Variants in BTBD9 observed in about 807,000 individuals in gnomAD.
BTBD9 encodes the protein BTB domain containing 9.
Under a neutral mutation model 64.3 loss-of-function variants are expected in BTBD9, and 49 were observed. The observed-to-expected ratio is 0.76, with a 90% CI of 0.61 to 0.97. The LOEUF (loss-of-function observed/expected upper bound fraction) is 0.97. Among genes scored for constraint, BTBD9 ranks in the 50% least tolerant of loss-of-function variants. The pLI is 0.00. For missense variants in BTBD9, 598 were observed against 762.1 expected, an observed-to-expected ratio of 0.78 and a Z score of 2.53; for synonymous variants, 260 against 274.7, an observed-to-expected ratio of 0.95 and a Z score of 0.53.
At chr6:38,469,484 TA>T (rs1234868068) in intron 6 of BTBD9, among the ~76,000 whole-genome samples, 1 of 152,118 alleles carries the variant, frequency 6.6e-6, no homozygotes, top group Non-Finnish European at 1.5e-5. Flanking sequence ...CACGCCTGGC[TA>T]ATTTTTTTGT....
At chr6:38,423,726 C>T (rs1472814969) in intron 6 of BTBD9, among the ~76,000 whole-genome samples, 1 of 152,046 alleles carries the variant, frequency 6.6e-6, no homozygotes, top group African/African-American at 2.4e-5. Flanking sequence ...ACTTGAAATC[C>T]ACCAGGTCAA....
intron 6 of BTBD9, among the ~76,000 whole-genome samples, chr6:38,383,837 T>C (rs1472108130): frequency 1.3e-5 from 2 of 152,206 alleles, no homozygotes. Flanking sequence ...TCCAAATTCA[T>C]ATGTCGACAT....
In BTBD9 at chr6:38,288,421, A is replaced by G. The variant is rs2127555597; in HGVS notation, c.1305T>C (p.Ser435=). Residue 435 remains serine, a synonymous_variant, in exon 8 of 11, where the codon AGT becomes AGC. Transcript: ENST00000481247. ...ENVATIADCA[S]VIEGVSRSRN... Reference sequence around the variant, plus strand: ...GGCTCCGACTGACTCCTTCAATCACACTGGCACAATCAGCAATTGTTGCAA... The same window carrying G: ...GGCTCCGACTGACTCCTTCAATCACGCTGGCACAATCAGCAATTGTTGCAA... The G allele has an allele frequency of 6.2e-7, 1 of 1,614,052 alleles. No individual in the cohort carries two copies. The highest frequency in any genetic ancestry group is 8.5e-7 in the Non-Finnish European group (1 of 1,179,962).
intron 6 of BTBD9, among the ~76,000 whole-genome samples, chr6:38,370,148 G>A (rs1765358055): frequency 6.6e-6 from 1 of 152,122 alleles, no homozygotes; most frequent in South Asian, 2.1e-4. Flanking sequence ...TAATATAAGG[G>A]ACTTCATTAT....
At position 38,256,448 on chromosome 6, in the gene BTBD9, T is replaced by A; in HGVS notation, c.1523A>T (p.Gln508Leu). Residue 508 changes from glutamine to leucine, a missense_variant, in exon 9 of 11, where the codon CAG (glutamine) becomes CTG (leucine). By Grantham distance (113) the Gln-to-Leu change is moderately radical. Transcript: ENST00000481247. The stretch of plus-strand genomic sequence containing the variant: ...AGTTCTGTCAGCAACCATGGTCCAC[T>A]GTTGCTGGTTGGTAGAAACCTCAAC... ...YYVEVSTNQQ[Q>L]WTMVADRTKV... 6.2e-7 allele frequency: 1 copy of A among 1,613,964 alleles called. No homozygotes were observed. Among genetic ancestry groups the A allele is most frequent in the Admixed American group, 1.7e-5 (1 of 60,030 alleles).
intron 6 of BTBD9, among the ~76,000 whole-genome samples, chr6:38,381,136 A>G (rs991076888): frequency 2.4e-4 from 37 of 152,296 alleles, no homozygotes; most frequent in African/African-American, 8.7e-4. Context: ...CAAATGTATT[A>G]GGAAACATAA....
At position 38,263,207 on chromosome 6, in the gene BTBD9, T is replaced by G. The variant is rs920124048; in HGVS notation, c.1455-6691A>C. Among the ~76,000 whole-genome samples the G allele has an allele frequency of 8.5e-4, 130 of 152,204 alleles. 1 individual carries two copies. Among genetic ancestry groups the G allele is most frequent in the Admixed American group, 3.9e-4 (6 of 15,292 alleles). On this transcript the variant is annotated intron_variant, in intron 8 of 10. Coordinates refer to ENST00000481247, the MANE Select transcript of BTBD9 (RefSeq NM_001099272.2). ...TTAAGTTCTTCAGAAATAATTGTCTTCCATTCAACAATTCAAAAAATATTT... is the reference window on the plus strand; with the variant it reads ...TTAAGTTCTTCAGAAATAATTGTCTGCCATTCAACAATTCAAAAAATATTT...
chr6:38,345,496 T>C (rs1582266113), intron 6 of BTBD9, among the ~76,000 whole-genome samples: 1 of 152,262 alleles, frequency 6.6e-6, no homozygotes. Context: ...GCAAATGCTT[T>C]CCAGCTCAAT....
chr6:38,556,807 A>G (rs192548783), intron 6 of BTBD9, among the ~76,000 whole-genome samples: 4 of 151,204 alleles, frequency 2.6e-5, no homozygotes, highest in African/African-American at 9.7e-5. Flanking sequence ...ACCTGAGGTC[A>G]GGAGTTCGAG....
In BTBD9 at chr6:38,317,934, C is replaced by CTTT. The variant is rs34109121; in HGVS notation, c.1264+27047_1264+27049dup. On this transcript the variant is annotated intron_variant, in intron 7 of 10. Coordinates refer to ENST00000481247, the MANE Select transcript of BTBD9 (RefSeq NM_001099272.2). The stretch of plus-strand genomic sequence containing the variant: ...TTGAATTTGAGTTTCCTCAAAATAG[C>CTTT]TTTTTTTTTTTTTTTTTTGAGACAG... Among the ~76,000 whole-genome samples, 376 of 128,836 alleles carry CTTT rather than the reference C, an allele frequency of 2.9e-3. 7 individuals are homozygous for CTTT. Among genetic ancestry groups the CTTT allele is most frequent in the African/African-American group, 8.1e-3 (273 of 33,874 alleles). 84.5% of individuals were successfully genotyped at this position (128,836 alleles called of 152,430 possible). A position where few individuals can be genotyped will look rare whatever the true frequency, so the allele number is the denominator to read the frequency against.
intron 8 of BTBD9, among the ~76,000 whole-genome samples, chr6:38,277,490 C>T (rs541189486): frequency 3.3e-5 from 5 of 151,922 alleles, no homozygotes; most frequent in African/African-American, 1.2e-4. Flanking sequence ...CCCACCACCA[C>T]GCCTGGCTAA....
At chr6:38,402,796 G>C (rs1178323804) in intron 6 of BTBD9, 2 of 699,864 alleles carry the variant, frequency 2.9e-6, no homozygotes, top group Admixed American at 2.0e-5. Context: ...AGCAAGACTT[G>C]GTGGCTCATG....
intron 6 of BTBD9, among the ~76,000 whole-genome samples, chr6:38,351,507 G>GTTTTTTTTT (rs70981542): frequency 1.6e-4 from 16 of 102,714 alleles, no homozygotes; most frequent in East Asian, 6.6e-4. Flanking sequence ...AATTGTTGTT[G>GTTTTTTTTT]TTTTTTTTTT....
At chr6:38,240,371 G>A (rs1314401911) in intron 9 of BTBD9, among the ~76,000 whole-genome samples, 3 of 152,180 alleles carry the variant, frequency 2.0e-5, no homozygotes, top group African/African-American at 7.2e-5. Context: ...CATGAGAGGA[G>A]GGAAGTGCCC....
At chr6:38,208,422 C>G (rs1762726566) in intron 9 of BTBD9, among the ~76,000 whole-genome samples, 1 of 152,162 alleles carries the variant, frequency 6.6e-6, no homozygotes, top group Non-Finnish European at 1.5e-5. Flanking sequence ...TAAAGATGAT[C>G]TATGGACTGG....
At chr6:38,334,859 TA>T (rs139855170) in intron 7 of BTBD9, among the ~76,000 whole-genome samples, 1 of 150,922 alleles carries the variant, frequency 6.6e-6, no homozygotes, top group Non-Finnish European at 1.5e-5. Context: ...TCTTTATTCT[TA>T]AAAAAAAATG....
At chr6:38,544,887 A>G (rs545671995) in intron 6 of BTBD9, among the ~76,000 whole-genome samples, 1 of 132,392 alleles carries the variant, frequency 7.6e-6, no homozygotes, top group East Asian at 2.5e-4. Context: ...AGACCGTGCC[A>G]TTGCACTCCA....
At chr6:38,435,023 T>C (rs992875102) in intron 6 of BTBD9, among the ~76,000 whole-genome samples, 6 of 151,684 alleles carry the variant, frequency 4.0e-5, no homozygotes, top group Non-Finnish European at 8.8e-5. Context: ...GGAGAAACCC[T>C]GTCTCTACTA....
chr6:38,232,655 C>G (rs1008923406), intron 9 of BTBD9, among the ~76,000 whole-genome samples: 10 of 151,148 alleles, frequency 6.6e-5, no homozygotes, highest in Admixed American at 1.3e-4. Context: ...TTCACATAAA[C>G]CTTTCGCAAC....
Sources: allele counts gnomAD v4.1 joint callset (sites outside exome capture counted in the v4.1 genomes callset), GRCh38; gene constraint gnomAD v4.1.1; transcripts MANE v1.5; gene names NCBI Gene and HGNC (gene_info 2026-07-23, HGNC 2026-07-21).